The following RIC3 variants were observed in gnomAD, a reference collection of about 807,000 sequenced individuals.
The protein encoded by RIC3 is protein RIC-3.
In RIC3, 28 loss-of-function variants were observed where a neutral mutation model predicts 27.3. That is an observed-to-expected ratio of 1.02 (90% CI 0.76 to 1.41). RIC3 has a LOEUF of 1.41. RIC3 is among the 40% of genes most tolerant of loss of function. The pLI, the probability that RIC3 is intolerant of heterozygous loss-of-function variation, is 0.00. For synonymous variants in RIC3, 184 were observed against 160.4 expected (o/e 1.15, Z -1.11); for missense variants, 501 against 444.7 (o/e 1.13, Z -1.14).
downstream of RIC3, chr11:8,102,367 T>C (rs2133926650): frequency 6.6e-6 from 1 of 152,310 alleles, no homozygotes; most frequent in Non-Finnish European, 1.5e-5. Flanking sequence ...GGATGGGCCC[T>C]GCAAGACACA....
Position 8,126,742 on chromosome 11 carries a change from C to G in RIC3, c.587G>C (p.Arg196Thr). The change falls in exon 5 of 6, where the codon AGG becomes ACG. Residue 196 changes from arginine (R) to threonine (T), a missense_variant. Coordinates refer to ENST00000309737, the MANE Select transcript of RIC3 (RefSeq NM_001206671.4). The part of the protein sequence containing the change: ...RLLHQLREIT[R>T]VMKEGKFIDR... The stretch of plus-strand genomic sequence containing the variant: ...AATGAATTTTCCTTCTTTCATGACC[C>G]TGGTGATTTCTCGGAGCTGATGTAG... 6.2e-7 allele frequency: 1 copy of G among 1,614,094 alleles called. No individual in the cohort carries two copies. The highest frequency in any genetic ancestry group is 8.5e-7 in the Non-Finnish European group (1 of 1,180,014).
chr11:8,144,701 A>G (rs1387094836), intron 1 of RIC3, among the ~76,000 whole-genome samples: 3 of 152,060 alleles, frequency 2.0e-5, no homozygotes, highest in African/African-American at 7.2e-5. Context: ...AAGGACTATA[A>G]ATTATGCTGC....
chr11:8,128,297 A>G (rs571896897), intron 4 of RIC3: 8 of 457,174 alleles, frequency 1.7e-5, no homozygotes, highest in African/African-American at 8.0e-5. Context: ...CTGATCTTCA[A>G]TGAATGAAAC....
rs1945012181 is a variant in RIC3, at chr11:8,109,466, T to G, written c.*1232A>C. 1 of 151,996 alleles carries G rather than the reference T, an allele frequency of 6.6e-6. No homozygotes were observed. The highest frequency in any genetic ancestry group is 1.5e-5 in the Non-Finnish European group (1 of 68,010). 9.4% of individuals were successfully genotyped at this position (151,996 alleles called of 1,614,324 possible). On this transcript the variant is annotated 3_prime_UTR_variant, in exon 6 of 6. Coordinates refer to ENST00000309737, the MANE Select transcript of RIC3 (RefSeq NM_001206671.4). ...TAAGGAGAAAAGGCCTTTAGTTTGG[T>G]CAAAATCCTCCCAGTCTTAATCTAG... is the stretch of plus-strand genomic sequence containing the variant.
chr11:8,124,107 G>GAAAAAGAA (rs1946759561), intron 5 of RIC3, among the ~76,000 whole-genome samples: 1 of 145,784 alleles, frequency 6.9e-6, no homozygotes, highest in Admixed American at 7.4e-5. Flanking sequence ...AAGAAAAAGA[G>GAAAAAGAA]AAAGCAAGCA....
chr11:8,110,646 A>C lies in RIC3; in HGVS notation c.*52T>G. 2.0e-6 allele frequency: 3 copies of C among 1,511,262 alleles called. No individual in the cohort carries two copies. The highest frequency in any genetic ancestry group is 2.8e-6 in the Non-Finnish European group (3 of 1,087,884). 93.6% of individuals were successfully genotyped at this position (1,511,262 alleles called of 1,614,324 possible). The stretch of plus-strand genomic sequence containing the variant: ...ACAGGGCCAAGAAGGAAATCTGAGG[A>C]GAGAGAGGTCACCTTGGGACTTGAG... On this transcript the variant is annotated 3_prime_UTR_variant, in exon 6 of 6. Coordinates refer to ENST00000309737, the MANE Select transcript of RIC3 (RefSeq NM_001206671.4).
downstream of RIC3, chr11:8,101,654 G>A (rs372986272): frequency 3.1e-6 from 5 of 1,610,540 alleles, no homozygotes; most frequent in African/African-American, 6.7e-5. Context: ...TGCCCAGCCT[G>A]GAGCGGAGCT....
intron 1 of RIC3, among the ~76,000 whole-genome samples, chr11:8,167,239 A>G (rs1335010808): frequency 6.6e-6 from 1 of 152,194 alleles, no homozygotes; most frequent in Non-Finnish European, 1.5e-5. Flanking sequence ...CTTACATTCT[A>G]GAAGGTGAAG....
chr11:8,100,902 T>A, the RIC3 span: 4 of 1,614,044 alleles, frequency 2.5e-6, no homozygotes, highest in Non-Finnish European at 3.4e-6. Flanking sequence ...AAGACACCTG[T>A]CTGGAATGAT....
intron 5 of RIC3, among the ~76,000 whole-genome samples, chr11:8,123,216 A>T (rs1946651853): frequency 6.6e-6 from 1 of 152,094 alleles, no homozygotes; most frequent in African/African-American, 2.4e-5. Flanking sequence ...AACAGAACTC[A>T]CATGACCTGT....
At chr11:8,142,062 C>G (rs1311189853) in intron 1 of RIC3, among the ~76,000 whole-genome samples, 6 of 149,924 alleles carry the variant, frequency 4.0e-5, no homozygotes, top group Non-Finnish European at 7.4e-5. Flanking sequence ...TAAATGCCCA[C>G]AGGAGAAAGC....
At chr11:8,126,315 T>G (rs1946985615) in intron 5 of RIC3, among the ~76,000 whole-genome samples, 2 of 152,134 alleles carry the variant, frequency 1.3e-5, no homozygotes, top group African/African-American at 4.8e-5. Context: ...TCAAAAGTAT[T>G]ACGCTAAATC....
intron 1 of RIC3, among the ~76,000 whole-genome samples, chr11:8,165,100 C>T (rs1951560987): frequency 6.6e-6 from 1 of 152,164 alleles, no homozygotes; most frequent in East Asian, 1.9e-4. Flanking sequence ...CTGGCAGTTC[C>T]TCAAAAGGTT....
At position 8,106,089 on chromosome 11, in the gene RIC3, T is replaced by A. The variant is rs945503108; in HGVS notation, c.*4609A>T. The A allele has an allele frequency of 6.6e-6, 1 of 152,210 alleles. No individual in the cohort carries two copies. The highest frequency in any genetic ancestry group is 1.5e-5 in the Non-Finnish European group (1 of 68,034). The allele number at this position is 152,210 out of a possible 1,614,324, so 9.4% of individuals were successfully genotyped here. A position where few individuals can be genotyped will look rare whatever the true frequency, so the allele number is the denominator to read the frequency against. On this transcript the variant is annotated 3_prime_UTR_variant, in exon 6 of 6. Transcript: ENST00000309737. ...ACTGTGCTTTTATTGACTTTTTGAATAAACTTTGGTATTCTGGAGCAAATG... is the reference window on the plus strand; with the variant it reads ...ACTGTGCTTTTATTGACTTTTTGAAAAAACTTTGGTATTCTGGAGCAAATG...
chr11:8,113,842 G>A (rs1451265820), intron 5 of RIC3, among the ~76,000 whole-genome samples: 2 of 152,140 alleles, frequency 1.3e-5, no homozygotes, highest in Non-Finnish European at 2.9e-5. Context: ...CCATTTCAGT[G>A]GACCCGGGCA....
At chr11:8,139,892 T>C in intron 2 of RIC3, 75 bp downstream of exon 2, 1 of 1,325,928 alleles carries the variant, frequency 7.5e-7, no homozygotes, top group South Asian at 1.3e-5. Context: ...TATAAGAAGT[T>C]TTAATGTAGA....
intron 1 of RIC3, among the ~76,000 whole-genome samples, chr11:8,162,764 G>C (rs1040266456): frequency 4.0e-5 from 6 of 148,696 alleles, no homozygotes; most frequent in African/African-American, 1.5e-4. Flanking sequence ...TCCTGCTTCA[G>C]CCTCCCAAGT....
rs1590223395 is a variant in RIC3 at position 8,138,206 on chromosome 11, G to T, written c.427+66C>A. On this transcript the variant is annotated intron_variant, in intron 3 of 5. Coordinates refer to ENST00000309737, the MANE Select transcript of RIC3 (RefSeq NM_001206671.4). ...TGCTTTTAAGACATACCCACAGACTGTCCCTGTGGCTATAAAACTGTTTGA... is the reference window on the plus strand; with the variant it reads ...TGCTTTTAAGACATACCCACAGACTTTCCCTGTGGCTATAAAACTGTTTGA... 4.5e-6 allele frequency: 5 copies of T among 1,106,866 alleles called. No homozygotes were observed. The South Asian group carries it at 6.3e-5, about 14-fold the overall frequency. 68.6% of individuals were successfully genotyped at this position (1,106,866 alleles called of 1,614,324 possible). A position where few individuals can be genotyped will look rare whatever the true frequency, so the allele number is the denominator to read the frequency against.
intron 1 of RIC3, among the ~76,000 whole-genome samples, chr11:8,156,127 C>T (rs945301071): frequency 6.6e-6 from 1 of 152,226 alleles, no homozygotes; most frequent in African/African-American, 2.4e-5. Context: ...GCCCGATCCA[C>T]ACACTCAATA....
Sources: allele counts gnomAD v4.1 joint callset (sites outside exome capture counted in the v4.1 genomes callset), GRCh38; gene constraint gnomAD v4.1.1; transcripts MANE v1.5; gene names NCBI Gene and HGNC (gene_info 2026-07-23, HGNC 2026-07-21).